The following SLC60A1 variants were observed in gnomAD, a reference collection of about 807,000 sequenced individuals.
The protein encoded by SLC60A1 is major facilitator superfamily domain containing 4.
At chr1:205,596,082 T>C in the SLC60A1 span, among the ~76,000 whole-genome samples, 1 of 152,146 alleles carries the variant, frequency 6.6e-6, no homozygotes, top group Non-Finnish European at 1.5e-5. Context: ...TAAGTGAGAC[T>C]GAACGAGCTA....
the SLC60A1 span, among the ~76,000 whole-genome samples, chr1:205,573,508 A>G: frequency 6.6e-6 from 1 of 152,176 alleles, no homozygotes; most frequent in Non-Finnish European, 1.5e-5. Context: ...ATGCTATACC[A>G]TGGATGATCT....
At chr1:205,585,121 A>C in the SLC60A1 span, 10 of 714,100 alleles carry the variant, frequency 1.4e-5, no homozygotes, top group East Asian at 2.6e-4. The surrounding 1 kb of genome is among the most constrained non-coding windows in gnomAD (Gnocchi z 4.2). Flanking sequence ...ACTTGATTCA[A>C]AAATTTAATC....
the SLC60A1 span, chr1:205,580,693 G>C: frequency 1.2e-6 from 2 of 1,610,240 alleles, no homozygotes; most frequent in Non-Finnish European, 1.7e-6. The surrounding 1 kb of genome is among the most constrained non-coding windows in gnomAD (Gnocchi z 5.0). Flanking sequence ...TTGGTGCTCT[G>C]CTGAGCCCCC....
At chr1:205,597,620 T>G in the SLC60A1 span, 1 of 653,622 alleles carries the variant, frequency 1.5e-6, no homozygotes, top group South Asian at 1.8e-5. Flanking sequence ...GGTCTTGAAC[T>G]CCTGGCCTCA....
chr1:205,600,718 G>C, the SLC60A1 span: 1 of 467,598 alleles, frequency 2.1e-6, no homozygotes, highest in Non-Finnish European at 3.8e-6. Context: ...TACCCAGATG[G>C]GAAGGAAGGA....
the SLC60A1 span, among the ~76,000 whole-genome samples, chr1:205,584,546 T>A: frequency 5.0e-5 from 5 of 100,366 alleles, no homozygotes; most frequent in African/African-American, 1.8e-4. Context: ...CCTTTTTTTT[T>A]TTAAAAAAAA....
the SLC60A1 span, among the ~76,000 whole-genome samples, chr1:205,594,248 G>C: frequency 6.6e-6 from 1 of 152,322 alleles, no homozygotes; most frequent in East Asian, 1.9e-4. Flanking sequence ...CCTCCCTCAC[G>C]CATCAGTCTC....
chr1:205,592,762 GCTT>G, the SLC60A1 span, among the ~76,000 whole-genome samples: 16 of 150,724 alleles, frequency 1.1e-4, no homozygotes, highest in Non-Finnish European at 2.1e-4. Context: ...AAGCAGTTAA[GCTT>G]CTTTTTTCCA....
the SLC60A1 span, among the ~76,000 whole-genome samples, chr1:205,597,038 G>C: frequency 6.6e-6 from 1 of 152,218 alleles, no homozygotes; most frequent in Admixed American, 6.5e-5. Flanking sequence ...CACACTGCCA[G>C]ACTCATCAGG....
the SLC60A1 span, chr1:205,597,951 T>A: frequency 8.0e-7 from 1 of 1,246,916 alleles, no homozygotes; most frequent in South Asian, 1.2e-5. Context: ...ACTGTCCCTT[T>A]CCTGAGTCTC....
At chr1:205,582,013 C>A in the SLC60A1 span, among the ~76,000 whole-genome samples, 1 of 152,242 alleles carries the variant, frequency 6.6e-6, no homozygotes, top group African/African-American at 2.4e-5. Flanking sequence ...CATCACCAGT[C>A]CTTTTCCTTC....
chr1:205,597,828 T>G, the SLC60A1 span: 1 of 1,613,998 alleles, frequency 6.2e-7, no homozygotes, highest in African/African-American at 1.3e-5. Flanking sequence ...GGCGAGATGG[T>G]GCTGCAGATG....
chr1:205,598,793 A>G, the SLC60A1 span: 1 of 274,092 alleles, frequency 3.6e-6, no homozygotes. Flanking sequence ...TATCCTCTGC[A>G]AAGTTCTGGT....
the SLC60A1 span, chr1:205,597,763 CCTT>C: frequency 1.9e-6 from 3 of 1,613,558 alleles, no homozygotes; most frequent in Non-Finnish European, 2.5e-6. Flanking sequence ...CCAAACCAAA[CCTT>C]CTCTTTTTGT....
chr1:205,584,218 A>ATTTATT, the SLC60A1 span: 1 of 793,680 alleles, frequency 1.3e-6, no homozygotes, highest in African/African-American at 2.1e-5. Flanking sequence ...ATCACAGGTG[A>ATTTATT]TTTTTTTTTT....
the SLC60A1 span, among the ~76,000 whole-genome samples, chr1:205,581,461 C>A: frequency 6.6e-6 from 1 of 152,224 alleles, no homozygotes; most frequent in South Asian, 2.1e-4. The surrounding 1 kb of genome is among the most constrained non-coding windows in gnomAD (Gnocchi z 4.2). Context: ...CTTTGTACAC[C>A]CCTGCCAAGT....
the SLC60A1 span, among the ~76,000 whole-genome samples, chr1:205,578,495 C>G: frequency 6.6e-6 from 1 of 152,248 alleles, no homozygotes; most frequent in South Asian, 2.1e-4. Context: ...CTGTCATGAT[C>G]GGTAATCTCC....
chr1:205,579,757 C>T, the SLC60A1 span: 2 of 1,614,118 alleles, frequency 1.2e-6, no homozygotes, highest in African/African-American at 1.3e-5. Context: ...GCAGCCTGGC[C>T]CAGTCACTAT....
the SLC60A1 span, chr1:205,569,421 C>T: frequency 3.7e-5 from 22 of 596,730 alleles, no homozygotes; most frequent in Non-Finnish European, 5.1e-5. Context: ...TGCCCGTCGC[C>T]CCCGCCTCCC....
Sources: allele counts gnomAD v4.1 joint callset (sites outside exome capture counted in the v4.1 genomes callset), GRCh38; gene constraint gnomAD v4.1.1; non-coding constraint Gnocchi (gnomAD v3.1); transcripts MANE v1.5; gene names NCBI Gene and HGNC (gene_info 2026-07-23, HGNC 2026-07-21).